The following HEXB variants were observed in gnomAD, a reference collection of about 807,000 sequenced individuals.
HEXB encodes the protein beta-hexosaminidase subunit beta.
In HEXB, 51 loss-of-function variants were observed where a neutral mutation model predicts 71.2. The ratio of observed to expected loss-of-function variants is 0.72; its 90% confidence interval spans 0.57 to 0.90. HEXB has a LOEUF of 0.90. HEXB is among the 40% of genes least tolerant of loss of function. HEXB has a pLI of 0.00. For synonymous variants in HEXB, 266 were observed against 249.3 expected (o/e 1.07, Z -0.63); for missense variants, 617 against 677.0 (o/e 0.91, Z 0.98).
rs766393645 is a variant in HEXB, at chr5:74,718,781, T to C, written c.1243-16T>C. 1.2e-6 allele frequency: 2 copies of C among 1,613,294 alleles called. No homozygotes were observed. The highest frequency in any genetic ancestry group is 1.7e-6 in the Non-Finnish European group (2 of 1,179,390). ...CTAGGCCTAATAATATGTATTGCAA[T>C]TTGTAACGTTAATAGCTTGCGCCGG... On this transcript the variant is annotated splice_polypyrimidine_tract_variant and intron_variant, in intron 10 of 13. Coordinates refer to ENST00000261416, the MANE Select transcript of HEXB (RefSeq NM_000521.4).
At chr5:74,697,373 C>G (rs1749136050) in intron 5 of HEXB, among the ~76,000 whole-genome samples, 1 of 152,090 alleles carries the variant, frequency 6.6e-6, no homozygotes, top group Non-Finnish European at 1.5e-5. Flanking sequence ...TAAACACTGC[C>G]CATTGGCCCT....
At chr5:74,713,191 T>C (rs1043886207) in intron 6 of HEXB, among the ~76,000 whole-genome samples, 3 of 152,182 alleles carry the variant, frequency 2.0e-5, no homozygotes, top group Non-Finnish European at 4.4e-5. Context: ...TACCAGTAAA[T>C]CTGCGGTTAG....
chr5:74,710,053 A>G (rs1231487218), intron 6 of HEXB, among the ~76,000 whole-genome samples: 1 of 152,158 alleles, frequency 6.6e-6, no homozygotes, highest in African/African-American at 2.4e-5. Context: ...ATACTGGCAA[A>G]CCAAATCCAG....
chr5:74,695,313 C>T (rs1253472499), intron 3 of HEXB, among the ~76,000 whole-genome samples: 2 of 147,842 alleles, frequency 1.4e-5, no homozygotes, highest in African/African-American at 5.0e-5. Context: ...ATGCCATTCT[C>T]CTGCCTCAGC....
intron 6 of HEXB, among the ~76,000 whole-genome samples, chr5:74,708,199 A>G (rs1401636193): frequency 6.6e-6 from 1 of 151,678 alleles, no homozygotes; most frequent in Non-Finnish European, 1.5e-5. Flanking sequence ...TAAGCTTCAT[A>G]AGTGAAGGAG....
chr5:74,676,714 T>C (rs11750634), intron 1 of HEXB, among the ~76,000 whole-genome samples: 27,061 of 151,894 alleles, frequency 0.18, 2,498 homozygotes, highest in East Asian at 0.26. Context: ...TGCAGTGAGC[T>C]GAGATTGCAC....
intron 1 of HEXB, among the ~76,000 whole-genome samples, chr5:74,642,061 G>T (rs1747906166): frequency 6.6e-6 from 1 of 151,892 alleles, no homozygotes; most frequent in Non-Finnish European, 1.5e-5. Flanking sequence ...ACTGGCTAAG[G>T]AGGCCCCACA....
intron 1 of HEXB, among the ~76,000 whole-genome samples, chr5:74,645,293 C>T (rs1747982624): frequency 6.6e-6 from 1 of 152,162 alleles, no homozygotes; most frequent in African/African-American, 2.4e-5. Flanking sequence ...CGTATAACTC[C>T]TGGGCTCAAG....
intron 1 of HEXB, among the ~76,000 whole-genome samples, chr5:74,670,937 G>A (rs1748525487): frequency 1.3e-5 from 2 of 152,106 alleles, no homozygotes. Context: ...ATCTGTACCA[G>A]AATGCAGGCC....
At chr5:74,703,829 G>A (rs1463116941) in intron 5 of HEXB, among the ~76,000 whole-genome samples, 10 of 152,032 alleles carry the variant, frequency 6.6e-5, no homozygotes, top group Admixed American at 2.0e-4. Flanking sequence ...CATGTGTCAC[G>A]ATGCCCAGCT....
At chr5:74,705,403 A>G (rs1039334708) in intron 6 of HEXB, 83 bp downstream of exon 6, 21 of 832,746 alleles carry the variant, frequency 2.5e-5, no homozygotes, top group Non-Finnish European at 1.0e-5. Flanking sequence ...GTTTGTTCTT[A>G]TGGATAGAAT....
chr5:74,717,474 A>T (rs1019499995), intron 9 of HEXB, among the ~76,000 whole-genome samples: 1 of 130,608 alleles, frequency 7.7e-6, no homozygotes, highest in Non-Finnish European at 1.5e-5. Flanking sequence ...ATACTGAAAA[A>T]TGCATATATA....
At chr5:74,720,244 G>C in intron 11 of HEXB, 184 bp from the exon 12 acceptor site, 1 of 620,944 alleles carries the variant, frequency 1.6e-6, no homozygotes, top group South Asian at 1.9e-5. Context: ...ATTTTTTTGG[G>C]GGGTGGGGGA....
In HEXB at chr5:74,652,274, T is replaced by C. The variant is rs949318868; in HGVS notation, c.-377+11716T>C. Among the ~76,000 whole-genome samples, 5 of 152,214 alleles carry C rather than the reference T, an allele frequency of 3.3e-5. No homozygotes were observed. Among genetic ancestry groups the C allele is most frequent in the Admixed American group, 2.6e-4 (4 of 15,284 alleles). The stretch of plus-strand genomic sequence containing the variant: ...TGAGGAAACAGGGGCAATGATGCGT[T>C]TGAACTTGTGCAAGAATCCAGTTAT... On this transcript the variant is annotated intron_variant, in intron 1 of 13. Coordinates refer to the HEXB transcript ENST00000511181. The surrounding 1 kb of genome is among the most constrained non-coding windows in gnomAD (Gnocchi z 5.4).
intron 1 of HEXB, among the ~76,000 whole-genome samples, chr5:74,662,023 G>A (rs543949497): frequency 1.3e-5 from 2 of 152,150 alleles, no homozygotes; most frequent in Non-Finnish European, 2.9e-5. Flanking sequence ...TTTCCAGAAT[G>A]TTTTTTGTTC....
chr5:74,651,449 C>T (rs1186181603), intron 1 of HEXB, among the ~76,000 whole-genome samples: 1 of 152,198 alleles, frequency 6.6e-6, no homozygotes, highest in East Asian at 1.9e-4. Flanking sequence ...TCTATACTCG[C>T]TAAGGCAAGA....
rs374209841 is a variant in HEXB at position 74,667,469 on chromosome 5, A to G, written c.-376-21859A>G. Among the ~76,000 whole-genome samples, 8 of 152,156 alleles carry G rather than the reference A, an allele frequency of 5.3e-5. No individual in the cohort carries two copies. In the East Asian group the frequency reaches 1.3e-3, roughly 26 times the overall value. On this transcript the variant is annotated intron_variant, in intron 1 of 13. Transcript: ENST00000511181. The stretch of plus-strand genomic sequence containing the variant: ...TTCTTGTGAGTTTGGGAAAGGTCTC[A>G]TCTGTCTCTTCAGGCATTACAACAA...
At chr5:74,704,060 T>G (rs1166213720) in intron 5 of HEXB, among the ~76,000 whole-genome samples, 2 of 152,194 alleles carry the variant, frequency 1.3e-5, no homozygotes, top group Non-Finnish European at 2.9e-5. Context: ...GTGGAGTAGG[T>G]GTAACAAACT....
At chr5:74,644,240 G>A (rs1209943810) in intron 1 of HEXB, among the ~76,000 whole-genome samples, 1 of 152,228 alleles carries the variant, frequency 6.6e-6, no homozygotes, top group Non-Finnish European at 1.5e-5. Flanking sequence ...AGCTGAAATG[G>A]CCTCACAGGT....
Sources: allele counts gnomAD v4.1 joint callset (sites outside exome capture counted in the v4.1 genomes callset), GRCh38; gene constraint gnomAD v4.1.1; non-coding constraint Gnocchi (gnomAD v3.1); transcripts MANE v1.5; gene names NCBI Gene and HGNC (gene_info 2026-07-23, HGNC 2026-07-21).